DAB1: variants seen among roughly 807,000 people sequenced by gnomAD.
DAB1 encodes the protein disabled homolog 1.
In DAB1, 15 loss-of-function variants were observed where a neutral mutation model predicts 64.6. That is an observed-to-expected ratio of 0.23 (90% CI 0.16 to 0.36). DAB1 has a LOEUF of 0.36. DAB1 is among the 10% of genes least tolerant of loss of function. DAB1 has a pLI of 1.00. For missense variants in DAB1, 596 were observed against 706.7 expected (o/e 0.84, Z 1.78); for synonymous variants, 235 against 251.9 (o/e 0.93, Z 0.64).
intron 14 of DAB1, among the ~76,000 whole-genome samples, chr1:57,002,493 G>T (rs891740949): frequency 6.6e-6 from 1 of 152,176 alleles, no homozygotes; most frequent in Non-Finnish European, 1.5e-5. Flanking sequence ...ATAATGTGGG[G>T]GTAATTCTGT....
intron 1 of DAB1, among the ~76,000 whole-genome samples, chr1:57,348,525 T>C (rs1460911226): frequency 6.6e-6 from 1 of 152,150 alleles, no homozygotes; most frequent in Non-Finnish European, 1.5e-5. Flanking sequence ...AAGCACCCAG[T>C]ACATTTATCA....
intron 2 of DAB1, among the ~76,000 whole-genome samples, chr1:58,524,794 T>C (rs1646324461): frequency 6.6e-6 from 1 of 152,328 alleles, no homozygotes; most frequent in African/African-American, 2.4e-5. Flanking sequence ...TCTCATGGTA[T>C]TACTCAAGGT....
At chr1:58,520,849 A>G (rs764014473) in intron 2 of DAB1, among the ~76,000 whole-genome samples, 1 of 152,184 alleles carries the variant, frequency 6.6e-6, no homozygotes, top group Non-Finnish European at 1.5e-5. Flanking sequence ...AGAAAAATCT[A>G]CAACCATAAT....
intron 2 of DAB1, among the ~76,000 whole-genome samples, chr1:57,279,895 C>A (rs556508831): frequency 1.2e-3 from 189 of 152,300 alleles, no homozygotes; most frequent in African/African-American, 4.4e-3. Context: ...AACTATACAA[C>A]ATATTTTATC....
chr1:57,488,694 TAAAATAAAAATA>T (rs969388067), intron 7 of DAB1, among the ~76,000 whole-genome samples: 1 of 151,340 alleles, frequency 6.6e-6, no homozygotes, highest in East Asian at 1.9e-4. Flanking sequence ...AATAATAAAA[TAAAATAAAAATA>T]AAAATAAAAA....
intron 7 of DAB1, among the ~76,000 whole-genome samples, chr1:57,555,058 C>T (rs1206029486): frequency 3.0e-5 from 3 of 100,150 alleles, no homozygotes; most frequent in Admixed American, 1.6e-4. Flanking sequence ...TTTTTTGAGA[C>T]GGAGTCTCAC....
At chr1:57,387,818 C>T (rs1350632087) in intron 1 of DAB1, among the ~76,000 whole-genome samples, 4 of 83,012 alleles carry the variant, frequency 4.8e-5, no homozygotes, top group African/African-American at 1.8e-4. Context: ...CAAGACTCAG[C>T]CTCAAAAAAA....
intron 1 of DAB1, among the ~76,000 whole-genome samples, chr1:57,416,398 G>T (rs1223751270): frequency 9.9e-5 from 15 of 152,126 alleles, no homozygotes. Flanking sequence ...TCATGTCAGG[G>T]TACTGAGTAA....
At chr1:57,906,406 C>T (rs1189937233) in intron 5 of DAB1, among the ~76,000 whole-genome samples, 1 of 152,140 alleles carries the variant, frequency 6.6e-6, no homozygotes, top group Non-Finnish European at 1.5e-5. Flanking sequence ...GGTCCCACAG[C>T]TAGAACATGA....
chr1:57,168,133 C>T (rs539343276), intron 2 of DAB1, among the ~76,000 whole-genome samples: 49 of 152,332 alleles, frequency 3.2e-4, no homozygotes, highest in African/African-American at 1.2e-3. Context: ...ATTCCATCTT[C>T]CTCCAATCCA....
At chr1:57,588,773 C>T (rs536657482) in intron 7 of DAB1, among the ~76,000 whole-genome samples, 16 of 152,194 alleles carry the variant, frequency 1.1e-4, no homozygotes, top group Admixed American at 2.0e-4. Context: ...AATAGACCCA[C>T]GCATATCATA....
chr1:58,212,160 T>C lies in DAB1; in HGVS notation n.310-61572A>G, dbSNP rs1285979946. 3.9e-5 allele frequency among the ~76,000 whole-genome samples: 6 copies of C among 152,310 alleles called. No homozygotes were observed. The East Asian group carries it at 1.2e-3, about 29-fold the overall frequency. On this transcript the variant is annotated intron_variant and non_coding_transcript_variant, in intron 4 of 20. Transcript: ENST00000485760. Reference sequence around the variant, plus strand: ...AGTGTATTCTCCCTGGGCCAGTTGTTAATGAACCAGTTCCTCCTTCCATGG... The same window carrying C: ...AGTGTATTCTCCCTGGGCCAGTTGTCAATGAACCAGTTCCTCCTTCCATGG...
At chr1:57,463,225 G>A (rs1686846769) in intron 7 of DAB1, among the ~76,000 whole-genome samples, 2 of 152,156 alleles carry the variant, frequency 1.3e-5, no homozygotes, top group South Asian at 2.1e-4. Context: ...AATCTCCCAT[G>A]TGGAACAGGA....
At chr1:57,247,529 C>A (rs919347413) in intron 2 of DAB1, among the ~76,000 whole-genome samples, 3 of 152,160 alleles carry the variant, frequency 2.0e-5, no homozygotes, top group African/African-American at 7.2e-5. Context: ...AGCGTGAGAA[C>A]AGACTAATAT....
intron 7 of DAB1, among the ~76,000 whole-genome samples, chr1:57,565,939 A>G (rs985368159): frequency 6.6e-6 from 1 of 152,220 alleles, no homozygotes; most frequent in Non-Finnish European, 1.5e-5. Flanking sequence ...ATAGACATCT[A>G]CAGAACTCTC....
intron 7 of DAB1, among the ~76,000 whole-genome samples, chr1:57,499,442 G>T (rs12117185): frequency 1.3e-5 from 2 of 152,068 alleles, no homozygotes; most frequent in South Asian, 2.1e-4. Context: ...TATATTTATC[G>T]CACAGAGTGA....
At chr1:57,096,403 A>C (rs1384945151) in intron 4 of DAB1, among the ~76,000 whole-genome samples, 2 of 152,216 alleles carry the variant, frequency 1.3e-5, no homozygotes, top group Non-Finnish European at 2.9e-5. Context: ...GATATATTTA[A>C]ACTCCCCCAT....
At chr1:57,486,857 G>A (rs1644098490) in intron 7 of DAB1, among the ~76,000 whole-genome samples, 1 of 151,354 alleles carries the variant, frequency 6.6e-6, no homozygotes, top group Non-Finnish European at 1.5e-5. Context: ...GGCAGGCCAA[G>A]TCCCAGACCC....
chr1:58,492,249 A>G (rs1006102131), intron 3 of DAB1, among the ~76,000 whole-genome samples: 9 of 152,274 alleles, frequency 5.9e-5, no homozygotes, highest in East Asian at 3.9e-4. Context: ...AGAATCTCTG[A>G]GACACATTCA....
Sources: allele counts gnomAD v4.1 joint callset (sites outside exome capture counted in the v4.1 genomes callset), GRCh38; gene constraint gnomAD v4.1.1; transcripts MANE v1.5; gene names NCBI Gene and HGNC (gene_info 2026-07-23, HGNC 2026-07-21).